The following RIN3 variants were observed in gnomAD, a reference collection of about 807,000 sequenced individuals.
RIN3 encodes RAB5 interacting protein 3.
A neutral mutation model predicts 76.3 loss-of-function variants in RIN3; 54 were observed. The observed-to-expected ratio is 0.71, with a 90% CI of 0.57 to 0.89. The LOEUF is 0.89. Ranked by LOEUF, RIN3 falls within the 40% of genes least tolerant of loss-of-function variation. The pLI, the probability that RIN3 is intolerant of heterozygous loss-of-function variation, is 0.00. For missense variants in RIN3, 1,256 were observed against 1,322.1 expected (o/e 0.95, Z 0.78); for synonymous variants, 576 against 564.0 (o/e 1.02, Z -0.30).
chr14:92,521,702 C>T (rs1249876748), intron 1 of RIN3, among the ~76,000 whole-genome samples: 1 of 152,160 alleles, frequency 6.6e-6, no homozygotes, highest in Non-Finnish European at 1.5e-5. Context: ...AACCATGAGC[C>T]AAAATAAACC....
intron 1 of RIN3, among the ~76,000 whole-genome samples, chr14:92,538,082 C>T (rs1158240871): frequency 6.6e-6 from 1 of 151,386 alleles, no homozygotes. Context: ...GCCTCGGCCT[C>T]CCAAAGTGCT....
At chr14:92,587,016 G>C (rs986579187) in intron 3 of RIN3, among the ~76,000 whole-genome samples, 2 of 152,226 alleles carry the variant, frequency 1.3e-5, no homozygotes, top group African/African-American at 4.8e-5. Context: ...TCTGTTGGGG[G>C]AGAGGTAGAT....
At chr14:92,536,934 G>A (rs1042720588) in intron 1 of RIN3, among the ~76,000 whole-genome samples, 4 of 151,998 alleles carry the variant, frequency 2.6e-5, no homozygotes, top group African/African-American at 9.7e-5. Flanking sequence ...GCAATGCATG[G>A]CACACAGTAA....
intron 1 of RIN3, among the ~76,000 whole-genome samples, chr14:92,549,438 T>A (rs977707589): frequency 6.6e-6 from 1 of 152,134 alleles, no homozygotes; most frequent in Non-Finnish European, 1.5e-5. Context: ...CCCCTACCCC[T>A]AATAGGCAGC....
chr14:92,542,917 C>T (rs1366743113), intron 1 of RIN3, among the ~76,000 whole-genome samples: 1 of 152,046 alleles, frequency 6.6e-6, no homozygotes, highest in Admixed American at 6.6e-5. Context: ...GAGTGGTTGC[C>T]TCGGGCTAGA....
intron 1 of RIN3, among the ~76,000 whole-genome samples, chr14:92,542,247 C>T (rs1373664346): frequency 1.3e-5 from 2 of 151,974 alleles, no homozygotes; most frequent in African/African-American, 4.8e-5. Context: ...ATGATCACAC[C>T]ACTGCATTCC....
intron 2 of RIN3, among the ~76,000 whole-genome samples, chr14:92,557,972 G>T (rs149977263): frequency 6.6e-6 from 1 of 152,366 alleles, no homozygotes; most frequent in East Asian, 1.9e-4. Context: ...GTGGGGGATG[G>T]TCCCAGGAGA....
intron 2 of RIN3, among the ~76,000 whole-genome samples, chr14:92,571,531 C>T (rs1898060730): frequency 6.6e-6 from 1 of 152,132 alleles, no homozygotes; most frequent in African/African-American, 2.4e-5. Context: ...ACAACACTCA[C>T]CCATACTCAC....
chr14:92,543,256 T>TG (rs1260921691), intron 1 of RIN3, among the ~76,000 whole-genome samples: 1 of 146,808 alleles, frequency 6.8e-6, no homozygotes, highest in Non-Finnish European at 1.5e-5. Context: ...AGAGGCTTTA[T>TG]GGGGGGTGGG....
intron 4 of RIN3, among the ~76,000 whole-genome samples, chr14:92,616,445 T>G (rs973781056): frequency 2.6e-5 from 4 of 152,334 alleles, no homozygotes; most frequent in Admixed American, 1.3e-4. Context: ...CTACACTGTA[T>G]GGAGAGGATA....
At chr14:92,544,706 G>A (rs1400892041) in intron 1 of RIN3, among the ~76,000 whole-genome samples, 1 of 124,326 alleles carries the variant, frequency 8.0e-6, no homozygotes, top group Non-Finnish European at 1.8e-5. Flanking sequence ...TTATACATGA[G>A]AGCTTTTTTT....
Position 92,671,791 on chromosome 14 carries a change from T to C in RIN3, c.2336-4684T>C, listed in dbSNP as rs189508512. ...TTTCTCACCCGTGGCCCTGTGGACA[T>C]TTGGGGTGTCCTCTGCATCCCAGGA... On this transcript the variant is annotated intron_variant, in intron 7 of 9. Coordinates refer to ENST00000216487, the MANE Select transcript of RIN3 (RefSeq NM_024832.5). 2.0e-5 allele frequency among the ~76,000 whole-genome samples: 3 copies of C among 152,254 alleles called. 1 individual carries two copies. The highest frequency in any genetic ancestry group is 2.0e-4 in the Admixed American group (3 of 15,304).
chr14:92,607,515 C>T (rs1885570178), intron 3 of RIN3, among the ~76,000 whole-genome samples: 1 of 152,132 alleles, frequency 6.6e-6, no homozygotes, highest in Non-Finnish European at 1.5e-5. Context: ...ACTCAGGAGG[C>T]TGAGGATCAC....
At chr14:92,670,879 A>G (rs746782714) in intron 7 of RIN3, among the ~76,000 whole-genome samples, 4 of 152,204 alleles carry the variant, frequency 2.6e-5, no homozygotes, top group Admixed American at 6.5e-5. Flanking sequence ...TATTTAGATC[A>G]TGGAAATTGG....
At chr14:92,556,505 G>A (rs1297769023) in intron 2 of RIN3, among the ~76,000 whole-genome samples, 2 of 152,102 alleles carry the variant, frequency 1.3e-5, no homozygotes, top group African/African-American at 2.4e-5. Flanking sequence ...CACCACCCCC[G>A]AGGCTCTTAT....
rs1479050187 is a variant in RIN3, at chr14:92,561,067, T to C, written c.249+5112T>C. Among the ~76,000 whole-genome samples, 51 of 95,174 alleles carry C rather than the reference T, an allele frequency of 5.4e-4. 1 individual carries two copies. The highest frequency in any genetic ancestry group is 1.9e-3 in the African/African-American group (50 of 26,666). 62.4% of individuals were successfully genotyped at this position (95,174 alleles called of 152,430 possible). A position where few individuals can be genotyped will look rare whatever the true frequency, so the allele number is the denominator to read the frequency against. ...AAAATATATATATATCTGCCATATA[T>C]ATGCCATAAATATATATATATCTGC... is the stretch of plus-strand genomic sequence containing the variant. On this transcript the variant is annotated intron_variant, in intron 2 of 9. Transcript: ENST00000216487.
intron 1 of RIN3, among the ~76,000 whole-genome samples, chr14:92,527,228 A>G (rs184595640): frequency 6.6e-6 from 1 of 150,546 alleles, no homozygotes; most frequent in Non-Finnish European, 1.5e-5. Context: ...TTTTTTTTGT[A>G]TTTTTAGTAG....
intron 1 of RIN3, among the ~76,000 whole-genome samples, chr14:92,542,843 C>T (rs1267560331): frequency 1.3e-5 from 2 of 152,190 alleles, no homozygotes; most frequent in South Asian, 2.1e-4. Context: ...CAAAGGACCA[C>T]ATAGTGTATG....
At chr14:92,670,478 C>T (rs985316971) in intron 7 of RIN3, among the ~76,000 whole-genome samples, 3 of 152,172 alleles carry the variant, frequency 2.0e-5, no homozygotes, top group Admixed American at 2.0e-4. Context: ...CAGGGCTTAG[C>T]CCTGAGCCTG....
Sources: gnomAD v4.1 joint callset for allele counts (sites outside exome capture counted in the v4.1 genomes callset) on GRCh38, gnomAD v4.1.1 for gene constraint, MANE v1.5 for transcripts, NCBI Gene and HGNC (gene_info 2026-07-23, HGNC 2026-07-21) for gene names.